ERICH3: variants seen among roughly 807,000 people sequenced by gnomAD.
ERICH3 encodes the protein glutamate rich 3.
In ERICH3, 126 loss-of-function variants were observed where a neutral mutation model predicts 131.1. That is an observed-to-expected ratio of 0.96 (90% CI 0.83 to 1.11). ERICH3 has a LOEUF of 1.11. ERICH3 is among the 50% of genes most tolerant of loss of function. ERICH3 has a pLI of 0.00. For missense variants in ERICH3, 2,050 were observed against 1,810.7 expected (o/e 1.13, Z -2.40); for synonymous variants, 695 against 644.6 (o/e 1.08, Z -1.18).
chr1:74,643,878 T>G (rs924045065), intron 3 of ERICH3, among the ~76,000 whole-genome samples: 1 of 152,110 alleles, frequency 6.6e-6, no homozygotes, highest in Non-Finnish European at 1.5e-5. Context: ...CAACATAGTA[T>G]GAGTTTACTA....
rs1345407246 is a variant in ERICH3, at chr1:74,662,245, G to A, written c.23+11252C>T. Among the ~76,000 whole-genome samples the A allele has an allele frequency of 2.0e-5, 3 of 152,072 alleles. No individual in the cohort carries two copies. The East Asian group carries it at 5.8e-4, about 29-fold the overall frequency. ...ATCTCAATATTCGTCTTCACACACT[G>A]CAGCCTGAGGCCAGCCTCACTCACT... On this transcript the variant is annotated intron_variant, in intron 1 of 14. Coordinates refer to ENST00000326665, the MANE Select transcript of ERICH3 (RefSeq NM_001002912.5).
intron 1 of ERICH3, among the ~76,000 whole-genome samples, chr1:74,670,818 T>A (rs116746266): frequency 0.014 from 2,079 of 152,284 alleles, 46 homozygotes; most frequent in African/African-American, 0.047. Context: ...GTAGAGAGCC[T>A]ACAAATGGAC....
chr1:74,665,299 C>T (rs978158925), intron 1 of ERICH3, among the ~76,000 whole-genome samples: 10 of 152,126 alleles, frequency 6.6e-5, no homozygotes, highest in East Asian at 1.9e-4. Context: ...CCTCCAGAGC[C>T]GTGAGAAATA....
intron 10 of ERICH3, 72 bp downstream of exon 10, chr1:74,606,529 T>G (rs1648398407): frequency 6.8e-7 from 1 of 1,466,736 alleles, no homozygotes; most frequent in Non-Finnish European, 9.2e-7. Flanking sequence ...TTTTGAAAAT[T>G]TTGATCATCA....
At chr1:74,600,366 T>C (rs947345086) in intron 10 of ERICH3, among the ~76,000 whole-genome samples, 4 of 151,872 alleles carry the variant, frequency 2.6e-5, no homozygotes, top group African/African-American at 4.8e-5. Context: ...ATCAACTTAA[T>C]GAATAGTGAA....
intron 11 of ERICH3, among the ~76,000 whole-genome samples, chr1:74,590,902 C>T (rs1023770649): frequency 1.9e-4 from 29 of 152,138 alleles, no homozygotes; most frequent in South Asian, 4.2e-4. Context: ...TTATTGAAAA[C>T]GCTTTATAAA....
chr1:74,578,153 G>T (rs887504683), intron 12 of ERICH3: 2 of 152,474 alleles, frequency 1.3e-5, no homozygotes, highest in African/African-American at 4.8e-5. Flanking sequence ...CCAACGCCTT[G>T]GTTTATCTGT....
At chr1:74,609,958 T>C (rs1245626608) in intron 9 of ERICH3, among the ~76,000 whole-genome samples, 1 of 152,066 alleles carries the variant, frequency 6.6e-6, no homozygotes, top group Non-Finnish European at 1.5e-5. Flanking sequence ...TTGGTACTGA[T>C]TATTAAACTT....
intron 8 of ERICH3, 31 bp downstream of exon 8, chr1:74,620,702 GC>G: frequency 6.6e-7 from 1 of 1,523,728 alleles, no homozygotes; most frequent in Non-Finnish European, 8.9e-7. Flanking sequence ...TCAACTCCAA[GC>G]AATTAAAAAA....
chr1:74,606,861 G>A lies in ERICH3; in HGVS notation c.1229C>T (p.Pro410Leu), dbSNP rs368878615. The A allele has an allele frequency of 2.5e-5, 41 of 1,611,432 alleles. No individual in the cohort carries two copies. Among genetic ancestry groups the A allele is most frequent in the Non-Finnish European group, 2.7e-5 (32 of 1,179,002 alleles). Residue 410 changes from proline to leucine, a missense_variant, in exon 10 of 15, where the codon CCG becomes CTG. Transcript: ENST00000326665. ...AGTGCTCTTTTCTTTCCTAGATTTC[G>A]GCAAAGACGGTTTTTTGTCAAGGCC... ...AMGLDKKPSL[P>L]KSRKEKSTEK...
intron 7 of ERICH3, among the ~76,000 whole-genome samples, chr1:74,629,669 C>T (rs1435993287): frequency 1.3e-5 from 2 of 152,160 alleles, no homozygotes; most frequent in Non-Finnish European, 2.9e-5. Context: ...CGCCAGATAC[C>T]TTGACACACT....
rs374635424 is a variant in ERICH3 at position 74,576,950 on chromosome 1, A to G, written c.2177-14T>C. ...ATGAATCCTTTCCTAGTTAAAAAAAAAAAAAAGAAAAAAAAGGTCAAATGA... is the reference window on the plus strand; with the variant it reads ...ATGAATCCTTTCCTAGTTAAAAAAAGAAAAAAGAAAAAAAAGGTCAAATGA... On this transcript the variant is annotated splice_polypyrimidine_tract_variant and intron_variant, in intron 12 of 14. Coordinates refer to ENST00000326665, the MANE Select transcript of ERICH3 (RefSeq NM_001002912.5). 23 of 1,587,842 alleles carry G rather than the reference A, an allele frequency of 1.4e-5. No homozygotes were observed. The Admixed American group carries it at 2.2e-4, about 15-fold the overall frequency.
At chr1:74,594,891 G>T (rs2100569989) in intron 11 of ERICH3, among the ~76,000 whole-genome samples, 1 of 152,092 alleles carries the variant, frequency 6.6e-6, no homozygotes. Flanking sequence ...TTTGTTTTTG[G>T]TTTATTAGCT....
chr1:74,616,376 A>C (rs546510079), intron 8 of ERICH3, among the ~76,000 whole-genome samples: 1 of 152,190 alleles, frequency 6.6e-6, no homozygotes, highest in African/African-American at 2.4e-5. Flanking sequence ...AAAAATTTAA[A>C]AGGAACATAG....
At chr1:74,616,370 A>T (rs1177311972) in intron 8 of ERICH3, among the ~76,000 whole-genome samples, 4 of 152,112 alleles carry the variant, frequency 2.6e-5, no homozygotes, top group African/African-American at 7.2e-5. Flanking sequence ...ACAACTAAAA[A>T]TTTAAAAGGA....
chr1:74,631,405 T>A (rs1646333843), intron 7 of ERICH3, among the ~76,000 whole-genome samples: 3 of 152,124 alleles, frequency 2.0e-5, no homozygotes, highest in Admixed American at 2.0e-4. Flanking sequence ...AAGATGTTTC[T>A]AACAACATGT....
At chr1:74,592,291 C>T (rs537707255) in intron 11 of ERICH3, 3 of 152,268 alleles carry the variant, frequency 2.0e-5, no homozygotes, top group African/African-American at 4.8e-5. Context: ...GATATGCCAT[C>T]TCTCTGGTAG....
At chr1:74,649,368 C>T (rs1372030408) in intron 1 of ERICH3, 53 bp from the exon 2 acceptor site, 3 of 1,381,240 alleles carry the variant, frequency 2.2e-6, no homozygotes, top group Admixed American at 3.5e-5. Context: ...GTTTGATAAC[C>T]AAGGCAATTC....
At chr1:74,659,758 G>A (rs1646622678) in intron 1 of ERICH3, among the ~76,000 whole-genome samples, 1 of 152,154 alleles carries the variant, frequency 6.6e-6, no homozygotes, top group Non-Finnish European at 1.5e-5. Context: ...ACTCATACAA[G>A]AAGGGTATCC....
Sources: gnomAD v4.1 joint callset for allele counts (sites outside exome capture counted in the v4.1 genomes callset) on GRCh38, gnomAD v4.1.1 for gene constraint, MANE v1.5 for transcripts, NCBI Gene and HGNC (gene_info 2026-07-23, HGNC 2026-07-21) for gene names.